RAB31: variants seen among roughly 807,000 people sequenced by gnomAD.
The protein encoded by RAB31 is RAB31, member RAS oncogene family.
RAB31 carries 21 observed loss-of-function variants against 25.6 expected under a neutral mutation model. The observed-to-expected ratio is 0.82, with a 90% CI of 0.58 to 1.18. The LOEUF (loss-of-function observed/expected upper bound fraction) is 1.18, where lower values mean the gene tolerates loss of function less well. Among genes scored for constraint, RAB31 ranks in the 50% most tolerant of loss-of-function variants. The probability of loss-of-function intolerance (pLI) is 0.00; values close to 1 mark genes in which losing one functional copy is unlikely to be tolerated. For synonymous variants in RAB31, 87 were observed against 84.0 expected (o/e 1.04, Z -0.20); for missense variants, 196 against 250.1 (o/e 0.78, Z 1.46).
chr18:9,811,614 A>G (rs1248289303), intron 3 of RAB31, among the ~76,000 whole-genome samples: 1 of 152,220 alleles, frequency 6.6e-6, no homozygotes, highest in African/African-American at 2.4e-5. Context: ...GTAAAAATTT[A>G]TGCTATACAG....
intron 6 of RAB31, among the ~76,000 whole-genome samples, chr18:9,846,299 TG>T (rs937115170): frequency 6.6e-6 from 1 of 152,198 alleles, no homozygotes; most frequent in African/African-American, 2.4e-5. Context: ...CAACCAGAGC[TG>T]GTTCCCAGCT....
intron 5 of RAB31, among the ~76,000 whole-genome samples, chr18:9,830,808 T>C (rs1430588729): frequency 6.6e-6 from 1 of 152,248 alleles, no homozygotes; most frequent in Non-Finnish European, 1.5e-5. Flanking sequence ...CCCCCAATAT[T>C]AACTATCTTT....
intron 1 of RAB31, among the ~76,000 whole-genome samples, chr18:9,731,575 G>A (rs908304335): frequency 6.8e-6 from 1 of 147,894 alleles, no homozygotes; most frequent in Non-Finnish European, 1.5e-5. Context: ...ATGTAAAGAT[G>A]AGAACCTTTC....
chr18:9,792,259 G>C, intron 3 of RAB31, 24 bp downstream of exon 3: 1 of 1,598,874 alleles, frequency 6.3e-7, no homozygotes, highest in South Asian at 1.1e-5. Flanking sequence ...GTTTTTTGGT[G>C]AAAACAAGAT....
intron 1 of RAB31, among the ~76,000 whole-genome samples, chr18:9,752,196 T>G (rs1378326469): frequency 6.6e-6 from 1 of 152,146 alleles, no homozygotes; most frequent in Non-Finnish European, 1.5e-5. Flanking sequence ...TGATTACATG[T>G]CTGTCTGTGA....
intron 3 of RAB31, among the ~76,000 whole-genome samples, chr18:9,800,659 A>T (rs74695551): frequency 0.03 from 4,615 of 152,268 alleles, 187 homozygotes; most frequent in African/African-American, 0.088. Context: ...CAGATGAGCC[A>T]ACTTTCATCT....
intron 5 of RAB31, among the ~76,000 whole-genome samples, chr18:9,829,630 G>A (rs955791546): frequency 1.1e-4 from 16 of 152,302 alleles, no homozygotes; most frequent in African/African-American, 3.1e-4. Context: ...CGTCTTTCAC[G>A]GTGGCATGGA....
At position 9,859,294 on chromosome 18, in the gene RAB31, C is replaced by T. The variant is rs745530296; in HGVS notation, c.557C>T (p.Pro186Leu). Residue 186 changes from proline to leucine, a missense_variant, in exon 7 of 7, where the codon CCA becomes CTA. Coordinates refer to ENST00000578921, the MANE Select transcript of RAB31 (RefSeq NM_006868.4). Reference sequence around the variant, plus strand: ...AATGGAACAATCAAAGTTGAGAAGCCAACCATGCAAGCCAGCCGCCGGTGC... The same window carrying T: ...AATGGAACAATCAAAGTTGAGAAGCTAACCATGCAAGCCAGCCGCCGGTGC... The part of the protein sequence containing the change: ...GNNGTIKVEK[P>L]TMQASRRCC 5.6e-6 allele frequency: 9 copies of T among 1,613,552 alleles called. No individual in the cohort carries two copies. The highest frequency in any genetic ancestry group is 1.7e-5 in the Admixed American group (1 of 59,990).
chr18:9,788,804 A>T (rs1215209190), intron 2 of RAB31, among the ~76,000 whole-genome samples: 3 of 152,158 alleles, frequency 2.0e-5, no homozygotes, highest in Non-Finnish European at 4.4e-5. Context: ...CATCTCTACT[A>T]AAGTAAATTA....
intron 2 of RAB31, among the ~76,000 whole-genome samples, chr18:9,776,282 C>T (rs12966230): frequency 0.53 from 80,781 of 152,022 alleles, 21,593 homozygotes; most frequent in African/African-American, 0.58. Flanking sequence ...ATTCTTAGAA[C>T]GTGGCCTCTG....
At chr18:9,839,499 C>T (rs2068721758) in intron 5 of RAB31, among the ~76,000 whole-genome samples, 1 of 152,142 alleles carries the variant, frequency 6.6e-6, no homozygotes, top group African/African-American at 2.4e-5. Context: ...GCGGGTGTCC[C>T]TGTGAGAAGC....
rs140845946 is a variant in RAB31, at chr18:9,850,573, A to G, written c.490+4882A>G. On this transcript the variant is annotated intron_variant, in intron 6 of 6. Coordinates refer to ENST00000578921, the MANE Select transcript of RAB31 (RefSeq NM_006868.4). ...GCAAAATAGCTATGCATTTTGCTCC[A>G]GTTAATTTAAGTGTTGACTGTGGCA... Among the ~76,000 whole-genome samples, 471 of 152,382 alleles carry G rather than the reference A, an allele frequency of 3.1e-3. 4 individuals are homozygous for G. Among genetic ancestry groups the G allele is most frequent in the African/African-American group, 0.011 (444 of 41,590 alleles).
chr18:9,791,729 G>A (rs1213142372), intron 2 of RAB31, among the ~76,000 whole-genome samples: 5 of 152,090 alleles, frequency 3.3e-5, no homozygotes, highest in Non-Finnish European at 7.4e-5. Context: ...AAGTAGCTGG[G>A]ACCGCAGGTG....
At chr18:9,807,956 C>A (rs74854663) in intron 3 of RAB31, among the ~76,000 whole-genome samples, 1 of 152,274 alleles carries the variant, frequency 6.6e-6, no homozygotes, top group Admixed American at 6.5e-5. Flanking sequence ...CCATCCTGGA[C>A]GACAGAGCGA....
intron 5 of RAB31, among the ~76,000 whole-genome samples, chr18:9,826,547 T>A (rs1441470457): frequency 6.6e-6 from 1 of 152,100 alleles, no homozygotes; most frequent in Non-Finnish European, 1.5e-5. Context: ...AGAAGAGATG[T>A]GATTGGGTTC....
At position 9,849,131 on chromosome 18, in the gene RAB31, A is replaced by AT. The variant is rs369771190; in HGVS notation, c.490+3449dup. Among the ~76,000 whole-genome samples, 6 of 150,892 alleles carry AT rather than the reference A, an allele frequency of 4.0e-5. No homozygotes were observed. The South Asian group carries it at 1.0e-3, about 26-fold the overall frequency. ...ATGCATTTCTACCCAGGGTTTGTTTATTTTTTTTTCCTTGGGTTCTTACAC... is the reference window on the plus strand; with the variant it reads ...ATGCATTTCTACCCAGGGTTTGTTTATTTTTTTTTTCCTTGGGTTCTTACAC... On this transcript the variant is annotated intron_variant, in intron 6 of 6. Coordinates refer to ENST00000578921, the MANE Select transcript of RAB31 (RefSeq NM_006868.4).
chr18:9,854,374 C>T lies in RAB31; in HGVS notation c.491-4854C>T, dbSNP rs9949305. On this transcript the variant is annotated intron_variant, in intron 6 of 6. Transcript: ENST00000578921. ...CCTGATTCCCCTCGTGCAGGTGCAT[C>T]ACCACTTCTTTACCTCCCTAGACTT... 5.9e-3 allele frequency among the ~76,000 whole-genome samples: 891 copies of T among 152,260 alleles called. 4 individuals carry two copies. The highest frequency in any genetic ancestry group is 0.02 in the African/African-American group (850 of 41,540).
Position 9,708,973 on chromosome 18 carries a change from C to G in RAB31, c.39+529C>G, listed in dbSNP as rs572012901. On this transcript the variant is annotated intron_variant, in intron 1 of 6. Transcript: ENST00000578921. The surrounding 1 kb of genome is among the most constrained non-coding windows in gnomAD (Gnocchi z 6.4). ...GGGCAATTGATTTACTCACGTAAAA[C>G]AGAAAAATAAAACCAAAAGCGAACC... 9.2e-5 allele frequency among the ~76,000 whole-genome samples: 14 copies of G among 152,306 alleles called. No homozygotes were observed. The highest frequency in any genetic ancestry group is 3.1e-4 in the African/African-American group (13 of 41,572).
intron 1 of RAB31, among the ~76,000 whole-genome samples, chr18:9,729,460 G>A (rs1288837772): frequency 3.3e-5 from 5 of 151,608 alleles, no homozygotes; most frequent in Admixed American, 6.6e-5. Flanking sequence ...CAGGGAGGGG[G>A]AGCTTGCAGT....
Sources: allele counts gnomAD v4.1 joint callset (sites outside exome capture counted in the v4.1 genomes callset), GRCh38; gene constraint gnomAD v4.1.1; non-coding constraint Gnocchi (gnomAD v3.1); transcripts MANE v1.5; gene names NCBI Gene and HGNC (gene_info 2026-07-23, HGNC 2026-07-21).